CDH8: variants seen among roughly 807,000 people sequenced by gnomAD.
The protein encoded by CDH8 is cadherin-8.
A neutral mutation model predicts 68.1 loss-of-function variants in CDH8; 17 were observed. That is an observed-to-expected ratio of 0.25 (90% CI 0.17 to 0.37). The LOEUF is 0.37. Among genes scored for constraint, CDH8 ranks in the 10% least tolerant of loss-of-function variants. The pLI is 1.00. For synonymous variants in CDH8, 372 were observed against 365.1 expected (o/e 1.02, Z -0.21); for missense variants, 763 against 999.3 (o/e 0.76, Z 3.19).
At chr16:61,674,046 T>C (rs1343742895) in intron 10 of CDH8, among the ~76,000 whole-genome samples, 2 of 152,158 alleles carry the variant, frequency 1.3e-5, no homozygotes, top group Non-Finnish European at 2.9e-5. Flanking sequence ...ATCATAGGGT[T>C]GGAAACACTT....
intron 10 of CDH8, among the ~76,000 whole-genome samples, chr16:61,702,037 G>A (rs1020740043): frequency 2.0e-5 from 3 of 152,056 alleles, no homozygotes; most frequent in Admixed American, 1.3e-4. Context: ...AGGACTATTA[G>A]CCCAATACAA....
intron 4 of CDH8, among the ~76,000 whole-genome samples, chr16:61,849,201 C>A (rs2143011795): frequency 6.6e-6 from 1 of 152,012 alleles, no homozygotes; most frequent in African/African-American, 2.4e-5. Context: ...ATATTATTCT[C>A]CTTCTCTTTA....
chr16:61,882,582 G>T (rs1205613618), intron 3 of CDH8, among the ~76,000 whole-genome samples: 1 of 152,182 alleles, frequency 6.6e-6, no homozygotes, highest in Admixed American at 6.5e-5. Flanking sequence ...AAACATGGAT[G>T]GAACTGGAGG....
chr16:61,855,937 T>G (rs746377402), intron 4 of CDH8, among the ~76,000 whole-genome samples: 1 of 152,124 alleles, frequency 6.6e-6, no homozygotes, highest in East Asian at 1.9e-4. Context: ...GAAGGATATA[T>G]AATTATACCC....
chr16:62,035,550 AGCCCTGCCGCGGGGGTCGCCCTCCCTC>A (rs1902436062), intron 1 of CDH8, among the ~76,000 whole-genome samples: 1 of 152,184 alleles, frequency 6.6e-6, no homozygotes, highest in South Asian at 2.1e-4. Flanking sequence ...CTTGGCCCGC[AGCCCTGCCGCGGGGGTCGCCCTCCCTC>A]GCCTCGGAGA....
At chr16:61,763,845 C>T (rs1453885750) in intron 8 of CDH8, among the ~76,000 whole-genome samples, 3 of 151,818 alleles carry the variant, frequency 2.0e-5, no homozygotes, top group South Asian at 2.1e-4. Flanking sequence ...TAGATCTTTA[C>T]GTGAAGTGAT....
At chr16:61,910,789 A>C (rs1007227756) in intron 2 of CDH8, among the ~76,000 whole-genome samples, 9 of 152,188 alleles carry the variant, frequency 5.9e-5, no homozygotes, top group African/African-American at 2.2e-4. Flanking sequence ...TTTCCAAGAA[A>C]AGTATGCCTA....
chr16:61,821,013 T>G lies in CDH8; in HGVS notation c.936A>C (p.Ser312=). The G allele has an allele frequency of 6.2e-7, 1 of 1,612,830 alleles. No homozygotes were observed. The highest frequency in any genetic ancestry group is 8.5e-7 in the Non-Finnish European group (1 of 1,179,118). Residue 312 remains serine (S), a synonymous_variant, in exon 6 of 12, where the codon TCA becomes TCC. Transcript: ENST00000577390. ...TTCCATCTCCATCGATGATATCATA[T>G]GATGACTGTGCATTTTCACCAATAT... is the stretch of plus-strand genomic sequence containing the variant. ...DQDIGENAQS[S]YDIIDGDGTA...
rs1026759634 is a variant in CDH8 at position 61,652,768 on chromosome 16, G to A, written c.*840C>T. 6 of 1,308,696 alleles carry A rather than the reference G, an allele frequency of 4.6e-6. No individual in the cohort carries two copies. Among genetic ancestry groups the A allele is most frequent in the South Asian group, 2.4e-5 (1 of 41,128 alleles). 81.1% of individuals were successfully genotyped at this position (1,308,696 alleles called of 1,614,324 possible). ...TGGACATCAATAAAATATTTATTTC[G>A]AGGATTAAACAAATAAATTCACGCG... On this transcript the variant is annotated 3_prime_UTR_variant, in exon 12 of 12. Coordinates refer to ENST00000577390, the MANE Select transcript of CDH8 (RefSeq NM_001796.5).
chr16:62,029,592 G>A (rs146456816), intron 1 of CDH8, among the ~76,000 whole-genome samples: 12 of 152,258 alleles, frequency 7.9e-5, no homozygotes, highest in African/African-American at 2.6e-4. Flanking sequence ...ATTTTCTGCC[G>A]AGAGGACAGA....
chr16:61,919,256 G>A (rs200827393), intron 2 of CDH8, among the ~76,000 whole-genome samples: 11 of 148,028 alleles, frequency 7.4e-5, no homozygotes, highest in South Asian at 2.2e-4. Flanking sequence ...AAAGCAGAGC[G>A]CCTCTCCTCC....
chr16:61,705,567 C>T (rs1476075660), intron 10 of CDH8, among the ~76,000 whole-genome samples: 1 of 152,142 alleles, frequency 6.6e-6, no homozygotes, highest in Non-Finnish European at 1.5e-5. Flanking sequence ...CATCTGAGCT[C>T]AGGCATAATA....
At chr16:61,855,959 G>A (rs1246185800) in intron 4 of CDH8, among the ~76,000 whole-genome samples, 1 of 152,050 alleles carries the variant, frequency 6.6e-6, no homozygotes, top group Non-Finnish European at 1.5e-5. Flanking sequence ...TAATTAATGT[G>A]TTTTACAAGA....
intron 10 of CDH8, among the ~76,000 whole-genome samples, chr16:61,684,094 G>C (rs1369828278): frequency 4.6e-5 from 7 of 152,088 alleles, no homozygotes; most frequent in African/African-American, 2.4e-5. Flanking sequence ...ATTGTGTCTT[G>C]ATAATTCCCT....
intron 10 of CDH8, among the ~76,000 whole-genome samples, chr16:61,656,366 CTTTA>C (rs1421623988): frequency 6.6e-6 from 1 of 152,060 alleles, no homozygotes; most frequent in Non-Finnish European, 1.5e-5. Context: ...GCTTTATTTT[CTTTA>C]TTTAGCCTGA....
intron 10 of CDH8, among the ~76,000 whole-genome samples, chr16:61,709,947 C>G (rs1964601945): frequency 6.6e-6 from 1 of 152,082 alleles, no homozygotes; most frequent in African/African-American, 2.4e-5. Flanking sequence ...TTCCCAACTA[C>G]TGATGAAGCC....
chr16:61,869,918 G>A (rs1043529823), intron 3 of CDH8, among the ~76,000 whole-genome samples: 5 of 152,176 alleles, frequency 3.3e-5, no homozygotes, highest in African/African-American at 1.2e-4. Flanking sequence ...TGGAAAAGGA[G>A]AAAAAGACCA....
chr16:61,936,529 G>A lies in CDH8; in HGVS notation c.253-35056C>T, dbSNP rs568331701. Among the ~76,000 whole-genome samples, 10 of 152,212 alleles carry A rather than the reference G, an allele frequency of 6.6e-5. No homozygotes were observed. In the South Asian group the frequency reaches 1.9e-3, roughly 28 times the overall value. On this transcript the variant is annotated intron_variant, in intron 2 of 11. Transcript: ENST00000577390. ...TCAAGGAAAGGATATATGTAGCTAC[G>A]AAGAGCAATGTGAGAAGTCACTTGG...
intron 4 of CDH8, among the ~76,000 whole-genome samples, chr16:61,840,255 C>T (rs1962655272): frequency 6.6e-6 from 1 of 152,136 alleles, no homozygotes; most frequent in Non-Finnish European, 1.5e-5. Flanking sequence ...CTCCCTGATC[C>T]TGTCCTCCTT....
Sources: gnomAD v4.1 joint callset for allele counts (sites outside exome capture counted in the v4.1 genomes callset) on GRCh38, gnomAD v4.1.1 for gene constraint, MANE v1.5 for transcripts, NCBI Gene and HGNC (gene_info 2026-07-23, HGNC 2026-07-21) for gene names.